The following TBL1XR1 variants were observed in gnomAD, a reference collection of about 807,000 sequenced individuals.
TBL1XR1 encodes TBL1X/Y related 1.
Under a neutral mutation model 66.9 loss-of-function variants are expected in TBL1XR1, and 5 were observed. The ratio of observed to expected loss-of-function variants is 0.07; its 90% confidence interval spans 0.04 to 0.16. The LOEUF (loss-of-function observed/expected upper bound fraction) is 0.16, where lower values mean the gene tolerates loss of function less well. Among genes scored for constraint, TBL1XR1 ranks in the 10% least tolerant of loss-of-function variants. TBL1XR1 has a pLI of 1.00. For synonymous variants in TBL1XR1, 210 were observed against 206.0 expected, an observed-to-expected ratio of 1.02 and a Z score of -0.17; for missense variants, 238 against 623.2, an observed-to-expected ratio of 0.38 and a Z score of 6.58.
At chr3:177,193,672 A>G (rs1294102059) in intron 1 of TBL1XR1, among the ~76,000 whole-genome samples, 2 of 152,170 alleles carry the variant, frequency 1.3e-5, no homozygotes, top group African/African-American at 4.8e-5. Flanking sequence ...TATCAATTTC[A>G]TTTACCCATG....
chr3:177,172,357 TAAGTA>T (rs934320123), intron 1 of TBL1XR1, among the ~76,000 whole-genome samples: 2 of 143,566 alleles, frequency 1.4e-5, no homozygotes, highest in African/African-American at 5.2e-5. Context: ...AGTGAATAAA[TAAGTA>T]AATATACAGG....
At chr3:177,055,749 A>G (rs1291308855) in intron 3 of TBL1XR1, among the ~76,000 whole-genome samples, 2 of 152,144 alleles carry the variant, frequency 1.3e-5, no homozygotes, top group Non-Finnish European at 2.9e-5. Flanking sequence ...CCTGTTTTCA[A>G]TTATATAACC....
At position 177,057,902 on chromosome 3, in the gene TBL1XR1, G is replaced by A. The variant is rs541215793; in HGVS notation, c.59-3984C>T. On this transcript the variant is annotated intron_variant, in intron 3 of 15. Transcript: ENST00000457928. The stretch of plus-strand genomic sequence containing the variant: ...TCATTCAGTGACAGAGACGAGCAAC[G>A]ACAGCTGGCAGGGAGTGGGGTGGCA... Among the ~76,000 whole-genome samples the A allele has an allele frequency of 4.6e-5, 7 of 152,224 alleles. No individual in the cohort carries two copies. In the South Asian group the frequency reaches 1.2e-3, roughly 27 times the overall value.
chr3:177,107,465 G>C (rs534183742), intron 1 of TBL1XR1, among the ~76,000 whole-genome samples: 1 of 152,244 alleles, frequency 6.6e-6, no homozygotes, highest in Non-Finnish European at 1.5e-5. Context: ...ATAGCTGCCA[G>C]AAATACATTC....
chr3:177,072,516 G>A, intron 2 of TBL1XR1, among the ~76,000 whole-genome samples: 1 of 150,562 alleles, frequency 6.6e-6, no homozygotes, highest in African/African-American at 2.4e-5. Flanking sequence ...GAATGAAACA[G>A]AAAAGGTGAT....
At chr3:177,110,409 CCATT>C (rs1725407119) in intron 1 of TBL1XR1, among the ~76,000 whole-genome samples, 1 of 152,174 alleles carries the variant, frequency 6.6e-6, no homozygotes, top group South Asian at 2.1e-4. Context: ...TATACACCCA[CCATT>C]ACGAATTTAA....
intron 2 of TBL1XR1, among the ~76,000 whole-genome samples, chr3:177,071,651 A>G (rs1470296467): frequency 6.6e-6 from 1 of 152,228 alleles, no homozygotes; most frequent in East Asian, 1.9e-4. Flanking sequence ...AGGGCAATAA[A>G]TGCTCGCTCA....
chr3:177,037,617 G>A (rs1232339797), intron 12 of TBL1XR1: 1 of 154,534 alleles, frequency 6.5e-6, no homozygotes, highest in East Asian at 1.9e-4. Flanking sequence ...TTGGTCTTCT[G>A]CTCTTGGACT....
chr3:177,189,580 AG>A (rs937596288), intron 1 of TBL1XR1, among the ~76,000 whole-genome samples: 2 of 148,858 alleles, frequency 1.3e-5, no homozygotes, highest in Admixed American at 6.8e-5. Flanking sequence ...GCTTGAACCC[AG>A]GGGGCGGAGG....
At chr3:177,120,730 A>C (rs1726888200) in intron 1 of TBL1XR1, 1 of 152,220 alleles carries the variant, frequency 6.6e-6, no homozygotes, top group Admixed American at 6.5e-5. Flanking sequence ...GGGGGGCAAC[A>C]GAATAGAACA....
At chr3:177,026,043 T>G (rs769525414) in intron 15 of TBL1XR1, 3 of 311,446 alleles carry the variant, frequency 9.6e-6, no homozygotes, top group African/African-American at 4.5e-5. Flanking sequence ...AAAATTCTTC[T>G]GTGAAGAGGA....
intron 14 of TBL1XR1, among the ~76,000 whole-genome samples, chr3:177,031,066 C>A (rs953067483): frequency 6.6e-6 from 1 of 152,098 alleles, no homozygotes; most frequent in African/African-American, 2.4e-5. Flanking sequence ...TAGCCGAGAT[C>A]GTGCCATCGC....
intron 1 of TBL1XR1, among the ~76,000 whole-genome samples, chr3:177,106,676 C>T (rs963192720): frequency 1.3e-5 from 2 of 152,144 alleles, no homozygotes; most frequent in South Asian, 4.1e-4. Flanking sequence ...AGTAATAAGA[C>T]ATAATGCATA....
intron 7 of TBL1XR1, among the ~76,000 whole-genome samples, chr3:177,049,613 C>CCTAA (rs143090467): frequency 0.01 from 1,577 of 152,222 alleles, 31 homozygotes; most frequent in African/African-American, 0.036. Context: ...TCTTTTATCC[C>CCTAA]CTAAGGACTC....
At chr3:177,179,347 T>C (rs1333697301) in intron 1 of TBL1XR1, among the ~76,000 whole-genome samples, 3 of 152,326 alleles carry the variant, frequency 2.0e-5, no homozygotes, top group South Asian at 2.1e-4. Flanking sequence ...AAATCACGTA[T>C]GAACCAGAGC....
intron 1 of TBL1XR1, among the ~76,000 whole-genome samples, chr3:177,176,113 A>G (rs1734117094): frequency 6.6e-6 from 1 of 152,054 alleles, no homozygotes; most frequent in Non-Finnish European, 1.5e-5. Flanking sequence ...TGCAGCACTG[A>G]TATCTGGGGG....
intron 1 of TBL1XR1, among the ~76,000 whole-genome samples, chr3:177,184,556 CT>C (rs1336604831): frequency 6.6e-6 from 1 of 152,196 alleles, no homozygotes; most frequent in East Asian, 1.9e-4. Context: ...AATCTCAGCA[CT>C]TTGGGAGGCA....
intron 14 of TBL1XR1, among the ~76,000 whole-genome samples, chr3:177,030,631 G>A (rs931616337): frequency 1.3e-5 from 2 of 152,116 alleles, no homozygotes; most frequent in African/African-American, 4.8e-5. Flanking sequence ...CAACAGTGTG[G>A]CAACATGTTC....
chr3:177,200,355 T>A (rs1737316939), upstream of TBL1XR1, among the ~76,000 whole-genome samples: 1 of 152,204 alleles, frequency 6.6e-6, no homozygotes, highest in African/African-American at 2.4e-5. Context: ...AAGGGGGTTT[T>A]AAATCAGATC....
Sources: allele counts gnomAD v4.1 joint callset (sites outside exome capture counted in the v4.1 genomes callset), GRCh38; gene constraint gnomAD v4.1.1; transcripts MANE v1.5; gene names NCBI Gene and HGNC (gene_info 2026-07-23, HGNC 2026-07-21).